The following FGD6 variants were observed in gnomAD, a reference collection of about 807,000 sequenced individuals.
FGD6 encodes FYVE, RhoGEF and PH domain containing 6, also known as FYVE, RhoGEF and PH domain-containing protein 6.
Under a neutral mutation model 149.4 loss-of-function variants are expected in FGD6, and 90 were observed. The ratio of observed to expected loss-of-function variants is 0.60; its 90% CI spans 0.51 to 0.72. FGD6 has a LOEUF of 0.72. Ranked by LOEUF, FGD6 falls within the 30% of genes least tolerant of loss-of-function variation. The probability of loss-of-function intolerance (pLI) is 0.00; values close to 1 mark genes in which losing one functional copy is unlikely to be tolerated. For missense variants in FGD6, 1,437 were observed against 1,684.8 expected (o/e 0.85, Z 2.57); for synonymous variants, 527 against 584.0 (o/e 0.90, Z 1.41).
At chr12:95,175,816 A>AG (rs1491219817) in intron 2 of FGD6, among the ~76,000 whole-genome samples, 2,946 of 137,356 alleles carry the variant, frequency 0.021, 130 homozygotes, top group African/African-American at 0.066. Context: ...AAAAAAAAAA[A>AG]AAAGAAAAAA....
chr12:95,099,664 A>T (rs1028341094), intron 14 of FGD6, among the ~76,000 whole-genome samples: 4 of 152,012 alleles, frequency 2.6e-5, no homozygotes, highest in Non-Finnish European at 5.9e-5. Context: ...CCCAAGACAC[A>T]CCATCATCTG....
intron 8 of FGD6, among the ~76,000 whole-genome samples, chr12:95,115,366 T>C (rs1426495686): frequency 4.0e-5 from 6 of 150,332 alleles, no homozygotes. Context: ...GCCTCCCAAA[T>C]AGCTATGACT....
At position 95,124,016 on chromosome 12, in the gene FGD6, C is replaced by T. The variant is rs114063711; in HGVS notation, c.3083-10315G>A. On this transcript the variant is annotated intron_variant, in intron 8 of 20. Transcript: ENST00000343958. ...CCAACCTCGACCTCCTGGACTCAAG[C>T]GATACTCCTGTCTCAGCCTCCTGAG... Among the ~76,000 whole-genome samples the T allele has an allele frequency of 8.9e-3, 1,350 of 151,758 alleles. 22 individuals carry two copies. Among genetic ancestry groups the T allele is most frequent in the African/African-American group, 0.031 (1,275 of 41,350 alleles).
At chr12:95,186,858 T>C (rs2136291296) in intron 2 of FGD6, among the ~76,000 whole-genome samples, 1 of 152,292 alleles carries the variant, frequency 6.6e-6, no homozygotes, top group South Asian at 2.1e-4. Flanking sequence ...GTTTTTAACC[T>C]CTCCGTGCCT....
intron 14 of FGD6, chr12:95,100,735 C>T (rs1878399457): frequency 3.9e-6 from 2 of 516,360 alleles, no homozygotes; most frequent in Non-Finnish European, 7.7e-6. Context: ...TGCTGAGGAC[C>T]ATCTTGCCTG....
At chr12:95,177,893 T>A (rs1881177402) in intron 2 of FGD6, among the ~76,000 whole-genome samples, 1 of 132,874 alleles carries the variant, frequency 7.5e-6, no homozygotes, top group Admixed American at 8.1e-5. Context: ...ATGAATCAAA[T>A]CAATTTTAAA....
chr12:95,197,919 C>T (rs1274340796), intron 2 of FGD6, among the ~76,000 whole-genome samples: 2 of 152,192 alleles, frequency 1.3e-5, no homozygotes, highest in African/African-American at 4.8e-5. Flanking sequence ...CAGTTTCCAA[C>T]CTTTGAAACA....
intron 14 of FGD6, among the ~76,000 whole-genome samples, chr12:95,101,867 G>A (rs1423626480): frequency 1.3e-5 from 2 of 151,614 alleles, no homozygotes; most frequent in Non-Finnish European, 2.9e-5. Flanking sequence ...ATTTTTAGTA[G>A]AGACGGGGTT....
chr12:95,130,232 G>A (rs1879480359), intron 8 of FGD6, among the ~76,000 whole-genome samples: 1 of 152,054 alleles, frequency 6.6e-6, no homozygotes, highest in Non-Finnish European at 1.5e-5. Flanking sequence ...TCTATCTGGG[G>A]ATTTCCGCTG....
At chr12:95,122,305 G>A (rs533455939) in intron 8 of FGD6, among the ~76,000 whole-genome samples, 7 of 152,160 alleles carry the variant, frequency 4.6e-5, no homozygotes, top group African/African-American at 1.7e-4. Context: ...CCTTCCTGAG[G>A]ACAGAAAGCC....
intron 5 of FGD6, among the ~76,000 whole-genome samples, chr12:95,142,638 C>T (rs1458221120): frequency 6.6e-6 from 1 of 152,162 alleles, no homozygotes; most frequent in Non-Finnish European, 1.5e-5. Flanking sequence ...TACTGTGTTT[C>T]CTTGGGCCAG....
At chr12:95,146,777 C>A (rs1185765370) in intron 5 of FGD6, among the ~76,000 whole-genome samples, 2 of 152,140 alleles carry the variant, frequency 1.3e-5, no homozygotes, top group Non-Finnish European at 2.9e-5. Flanking sequence ...CCAAAACCTA[C>A]AAATCAGAAT....
At chr12:95,135,125 T>G (rs1316790013) in intron 7 of FGD6, among the ~76,000 whole-genome samples, 1 of 152,160 alleles carries the variant, frequency 6.6e-6, no homozygotes, top group Non-Finnish European at 1.5e-5. Flanking sequence ...CTAGGCTAGT[T>G]AGAGCCCACC....
intron 8 of FGD6, among the ~76,000 whole-genome samples, chr12:95,133,867 A>G (rs992569166): frequency 1.3e-5 from 2 of 152,146 alleles, no homozygotes; most frequent in African/African-American, 4.8e-5. Flanking sequence ...GATAAAACTG[A>G]TATTTGCAAG....
chr12:95,175,154 A>C (rs996795713), intron 2 of FGD6, among the ~76,000 whole-genome samples: 9 of 152,200 alleles, frequency 5.9e-5, no homozygotes, highest in Non-Finnish European at 1.3e-4. Flanking sequence ...CAATGCCATG[A>C]AACAAGGAGA....
At position 95,171,823 on chromosome 12, in the gene FGD6, TC is replaced by T. The variant is rs374871934; in HGVS notation, c.2586+776del. 5.1e-4 allele frequency among the ~76,000 whole-genome samples: 77 copies of T among 151,996 alleles called. 1 individual carries two copies. In the East Asian group the frequency reaches 0.01, roughly 20 times the overall value. ...AACCACCGTGCCCAGCCCTCATGCA[TC>T]TTAAACAACTCTGAACACATAGACA... On this transcript the variant is annotated intron_variant, in intron 3 of 20. Coordinates refer to ENST00000343958, the MANE Select transcript of FGD6 (RefSeq NM_018351.4).
chr12:95,151,249 A>C (rs1262259400), intron 5 of FGD6, among the ~76,000 whole-genome samples: 2 of 152,144 alleles, frequency 1.3e-5, no homozygotes, highest in East Asian at 3.8e-4. Context: ...CAGATTTTTC[A>C]CATAGGAATC....
chr12:95,089,438 C>T, intron 18 of FGD6, 131 bp downstream of exon 18: 2 of 1,162,640 alleles, frequency 1.7e-6, no homozygotes, highest in Admixed American at 2.5e-5. Context: ...CCACATCCAT[C>T]ATCAGTATTA....
intron 2 of FGD6, among the ~76,000 whole-genome samples, chr12:95,204,076 T>A (rs2056679971): frequency 6.6e-6 from 1 of 152,174 alleles, no homozygotes; most frequent in African/African-American, 2.4e-5. Flanking sequence ...TCTGAAACAT[T>A]TCAAGGAAGA....
Sources: allele counts gnomAD v4.1 joint callset (sites outside exome capture counted in the v4.1 genomes callset), GRCh38; gene constraint gnomAD v4.1.1; transcripts MANE v1.5; gene names NCBI Gene and HGNC (gene_info 2026-07-23, HGNC 2026-07-21).